Variants in COL7A1 observed in about 807,000 individuals in gnomAD.
COL7A1 encodes the protein collagen alpha-1(VII) chain.
COL7A1 carries 296 observed loss-of-function variants against 456.2 expected under a neutral mutation model. The observed-to-expected ratio is 0.65, with a 90% CI of 0.59 to 0.71. The LOEUF is 0.71. COL7A1 is among the 30% of genes least tolerant of loss of function. The probability of loss-of-function intolerance (pLI) is 0.00; values close to 1 mark genes in which losing one functional copy is unlikely to be tolerated. For missense variants in COL7A1, 3,441 were observed against 4,017.2 expected (o/e 0.86, Z 3.88); for synonymous variants, 1,464 against 1,525.9 (o/e 0.96, Z 0.95).
Position 48,592,618 on chromosome 3 carries a change from G to C in COL7A1, c.928C>G (p.Leu310Val), listed in dbSNP as rs1323172117. 1 of 1,614,032 alleles carries C rather than the reference G, an allele frequency of 6.2e-7. No individual in the cohort carries two copies. Among genetic ancestry groups the C allele is most frequent in the Non-Finnish European group, 8.5e-7 (1 of 1,180,030 alleles). ...GCCTCCCCGATGCTGTTGGCGTAGA[G>C]GGCAATCACAGTCACTTGGTACTCG... ...LTEYQVTVIA[L>V]YANSIGEAVS... is the part of the protein sequence containing the mutation. Residue 310 changes from leucine (L) to valine (V), a missense_variant, in exon 8 of 119, where the codon CTC becomes GTC. Leu to Val is a conservative substitution (Grantham distance 32). This residue lies in a region of COL7A1 where 913 missense variants were observed against 1,088.2 expected (regional missense o/e 0.84). Transcript: ENST00000681320. This position sits in a 1 kb window ranked among gnomAD's most constrained non-coding sequence, Gnocchi z 7.6.
In COL7A1 at chr3:48,583,201, G is replaced by GAGAGAGAGGGTGAGAGAAAGACAGAC; in HGVS notation, c.4438-31_4438-30insGTCTGTCTTTCTCTCACCCTCTCTCT. 6.2e-7 allele frequency: 1 copy of GAGAGAGAGGGTGAGAGAAAGACAGAC among 1,613,054 alleles called. No homozygotes were observed. Among genetic ancestry groups the GAGAGAGAGGGTGAGAGAAAGACAGAC allele is most frequent in the Non-Finnish European group, 8.5e-7 (1 of 1,179,658 alleles). On this transcript the variant is annotated intron_variant, in intron 42 of 118. Coordinates refer to ENST00000681320, the MANE Select transcript of COL7A1 (RefSeq NM_000094.4). The surrounding 1 kb of genome is among the most constrained non-coding windows in gnomAD (Gnocchi z 5.1). ...AGAGAGAGGGTGAGAGAAAGACAGA[G>GAGAGAGAGGGTGAGAGAAAGACAGAC]AGAGAGAGGGTTGGTGGCGGGGCTT...
chr3:48,570,308 C>T lies in COL7A1; in HGVS notation c.7407G>A (p.Gly2469=). The T allele has an allele frequency of 5.0e-6, 8 of 1,614,084 alleles. No individual in the cohort carries two copies. Among genetic ancestry groups the T allele is most frequent in the Non-Finnish European group, 6.8e-6 (8 of 1,179,986 alleles). Residue 2469 remains glycine, a synonymous_variant, in exon 98 of 119, where the codon GGG becomes GGA. Transcript: ENST00000681320. The surrounding 1 kb of genome is among the most constrained non-coding windows in gnomAD (Gnocchi z 5.5). ...CTGGCTCCCCACGCTCGCCTCGGGG[C>T]CCAGGCAGCCCTACTCCAGGGTCTC... ...DKGDPGVGLP[G]PRGERGEPGI... is the part of the protein sequence containing the mutation.
At position 48,593,566 on chromosome 3, in the gene COL7A1, G is replaced by T; in HGVS notation, c.397C>A (p.Pro133Thr). 1 of 1,614,220 alleles carries T rather than the reference G, an allele frequency of 6.2e-7. No homozygotes were observed. The change falls in exon 4 of 119, where the codon CCC becomes ACC. Residue 133 changes from proline (P) to threonine (T), a missense_variant. Transcript: ENST00000681320. The surrounding 1 kb of genome is among the most constrained non-coding windows in gnomAD (Gnocchi z 4.4). Reference protein sequence around the residue: ...ILHVADHVFLPQLARPGVPKV... With the variant: ...ILHVADHVFLTQLARPGVPKV... ...GGGACACCAGGTCGGGCCAGCTGGGGCAGGAAGACATGGTCAGCCACATGG... is the reference window on the plus strand; with the variant it reads ...GGGACACCAGGTCGGGCCAGCTGGGTCAGGAAGACATGGTCAGCCACATGG...
In COL7A1 at chr3:48,570,740, A is replaced by C. The variant is rs773509242; in HGVS notation, c.7273-30T>G. On this transcript the variant is annotated intron_variant, in intron 95 of 118. Transcript: ENST00000681320. This position sits in a 1 kb window ranked among gnomAD's most constrained non-coding sequence, Gnocchi z 5.5. ...CAGAAAAATGGGGCAAGAGAGGCAG[A>C]GAGTGACTTGGGAACCCTCCTACCC... 4.5e-6 allele frequency: 7 copies of C among 1,562,748 alleles called. No homozygotes were observed. In the African/African-American group the frequency reaches 9.5e-5, roughly 21 times the overall value.
Position 48,583,646 on chromosome 3 carries a change from G to A in COL7A1, c.4342-31C>T, listed in dbSNP as rs527807192. On this transcript the variant is annotated intron_variant, in intron 40 of 118. Coordinates refer to ENST00000681320, the MANE Select transcript of COL7A1 (RefSeq NM_000094.4). This position sits in a 1 kb window ranked among gnomAD's most constrained non-coding sequence, Gnocchi z 5.1. ...GGAGAAACACACGGGTGGGAAGACCGAAGGGAGGCCCTGCCCCCAGCACGC... is the reference window on the plus strand; with the variant it reads ...GGAGAAACACACGGGTGGGAAGACCAAAGGGAGGCCCTGCCCCCAGCACGC... 3.7e-5 allele frequency: 60 copies of A among 1,613,828 alleles called. No homozygotes were observed. The highest frequency in any genetic ancestry group is 2.4e-4 in the African/African-American group (18 of 75,016).
In COL7A1 at chr3:48,570,862, C is replaced by T. The variant is rs781689640; in HGVS notation, c.7271G>A (p.Arg2424Gln). ...EMGQPGPSGERGLAGPPGREG... is the reference protein window; with the variant it reads ...EMGQPGPSGEQGLAGPPGREG... ...TACATGCTGTTCCCAGCCCCTCACC[C>T]GCTCTCCACTAGGGCCTGGCTGACC... The change falls in exon 95 of 119, where the codon CGG (arginine) becomes CAG (glutamine). Residue 2424 changes from arginine to glutamine, a missense_variant and splice_region_variant. Coordinates refer to ENST00000681320, the MANE Select transcript of COL7A1 (RefSeq NM_000094.4). This position sits in a 1 kb window ranked among gnomAD's most constrained non-coding sequence, Gnocchi z 5.5. The T allele has an allele frequency of 2.9e-5, 47 of 1,609,932 alleles. No individual in the cohort carries two copies. Among genetic ancestry groups the T allele is most frequent in the Admixed American group, 5.0e-5 (3 of 59,470 alleles).
In COL7A1 at chr3:48,587,306, C is replaced by T. The variant is rs2045342635; in HGVS notation, c.3023G>A (p.Gly1008Glu). Reference sequence around the variant, plus strand: ...TGTCACCCGCTGGGAGCTTGAGATCCCTGGAAGTGTCTGCGGGGACCCAGG... The same window carrying T: ...TGTCACCCGCTGGGAGCTTGAGATCTCTGGAAGTGTCTGCGGGGACCCAGG... ...EVPGSPQTLP[G>E]ISSSQRVTGL... is the part of the protein sequence containing the mutation. The change falls in exon 24 of 119, where the codon GGG (glycine) becomes GAG (glutamate). Residue 1008 changes from glycine (G) to glutamate (E), a missense_variant. Physicochemically the swap from Gly to Glu is moderately conservative, Grantham distance 98. Transcript: ENST00000681320. The surrounding 1 kb of genome is among the most constrained non-coding windows in gnomAD (Gnocchi z 6.1). 5.6e-6 allele frequency: 9 copies of T among 1,604,104 alleles called. No individual in the cohort carries two copies. The highest frequency in any genetic ancestry group is 7.7e-6 in the Non-Finnish European group (9 of 1,175,256).
At position 48,568,033 on chromosome 3, in the gene COL7A1, G is replaced by A. The variant is rs528727235; in HGVS notation, c.7875+57C>T. 16 of 1,607,378 alleles carry A rather than the reference G, an allele frequency of 1.0e-5. No homozygotes were observed. The highest frequency in any genetic ancestry group is 1.7e-4 in the Middle Eastern group (1 of 6,056). On this transcript the variant is annotated intron_variant, in intron 106 of 118. Transcript: ENST00000681320. The surrounding 1 kb of genome is among the most constrained non-coding windows in gnomAD (Gnocchi z 5.2). ...CCTAATATCTGACCCCAGGTCCCTC[G>A]CCCTTCAACATTAGGCCTTCCTGAC...
At position 48,578,179 on chromosome 3, in the gene COL7A1, T is replaced by C; in HGVS notation, c.5532+142A>G. ...AACTCCATCTCAAAAAAAAAAAAAC[T>C]ATGTTTCTGGATGCATCTGTATGTC... On this transcript the variant is annotated intron_variant, in intron 65 of 118. Transcript: ENST00000681320. The surrounding 1 kb of genome is among the most constrained non-coding windows in gnomAD (Gnocchi z 4.7). 1.1e-6 allele frequency: 1 copy of C among 926,904 alleles called. No homozygotes were observed. The highest frequency in any genetic ancestry group is 2.7e-5 in the East Asian group (1 of 37,076). 57.4% of individuals were successfully genotyped at this position (926,904 alleles called of 1,614,324 possible). A position where few individuals can be genotyped will look rare whatever the true frequency, so the allele number is the denominator to read the frequency against.
At position 48,587,212 on chromosome 3, in the gene COL7A1, C is replaced by T. The variant is rs1434382295; in HGVS notation, c.3117G>A (p.Glu1039=). 6.2e-7 allele frequency: 1 copy of T among 1,613,622 alleles called. No individual in the cohort carries two copies. The highest frequency in any genetic ancestry group is 1.1e-5 in the South Asian group (1 of 90,972). Residue 1039 remains glutamate, a synonymous_variant, in exon 24 of 119, where the codon GAG becomes GAA. Transcript: ENST00000681320. The surrounding 1 kb of genome is among the most constrained non-coding windows in gnomAD (Gnocchi z 6.1). ...TPVLDGVRGP[E]ASVTQTPVCP... ...TACCTGGCGTCTGTGTGACAGATGC[C>T]TCAGGACCCCGCACACCATCCAGGA... is the stretch of plus-strand genomic sequence containing the variant.
chr3:48,568,133 C>T lies in COL7A1; in HGVS notation c.7832G>A (p.Gly2611Glu), dbSNP rs1250734596. 1 of 1,614,008 alleles carries T rather than the reference C, an allele frequency of 6.2e-7. No individual in the cohort carries two copies. The highest frequency in any genetic ancestry group is 1.3e-5 in the African/African-American group (1 of 74,920). Residue 2611 changes from glycine (G) to glutamate (E), a missense_variant, in exon 106 of 119, where the codon GGA becomes GAA. Transcript: ENST00000681320. The surrounding 1 kb of genome is among the most constrained non-coding windows in gnomAD (Gnocchi z 5.2). ...CATGAAGCCAACATCTCCTTTTTCT[C>T]CTCGGATACCAGGCACTCCATCCTT... ...PGKDGVPGIR[G>E]EKGDVGFMGP...
rs200316068 is a variant in COL7A1 at position 48,570,887 on chromosome 3, C to T, written c.7246G>A (p.Gly2416Ser). 1.2e-6 allele frequency: 2 copies of T among 1,613,162 alleles called. No individual in the cohort carries two copies. The highest frequency in any genetic ancestry group is 3.3e-5 in the Admixed American group (2 of 59,914). ...PGQTGPRGEM[G>S]QPGPSGERGL... ...CGCTCTCCACTAGGGCCTGGCTGAC[C>T]CATCTCTCCTCGAGGGCCTGTCTGA... The change falls in exon 95 of 119, where the codon GGT becomes AGT. Residue 2416 changes from glycine to serine, a missense_variant. Transcript: ENST00000681320. The surrounding 1 kb of genome is among the most constrained non-coding windows in gnomAD (Gnocchi z 5.5).
chr3:48,590,741 T>C lies in COL7A1; in HGVS notation c.1712A>G (p.Tyr571Cys). ...DLDDVQAGLS[Y>C]TVRVSARVGP... ...CACTCGAGCAGACACCCGCACAGTG[T>C]AGCTAAGCCCAGCCTGAACGTCATC... The change falls in exon 14 of 119, where the codon TAC becomes TGC. Residue 571 changes from tyrosine to cysteine, a missense_variant. Physicochemically the swap from Tyr to Cys is radical, Grantham distance 194. Transcript: ENST00000681320. The surrounding 1 kb of genome is among the most constrained non-coding windows in gnomAD (Gnocchi z 4.6). 1 of 1,613,948 alleles carries C rather than the reference T, an allele frequency of 6.2e-7. No homozygotes were observed. Among genetic ancestry groups the C allele is most frequent in the Non-Finnish European group, 8.5e-7 (1 of 1,180,014 alleles).
In COL7A1 at chr3:48,575,332, G is replaced by A; in HGVS notation, c.6180+7C>T. 1 of 1,230,868 alleles carries A rather than the reference G, an allele frequency of 8.1e-7. No homozygotes were observed. The highest frequency in any genetic ancestry group is 1.1e-6 in the Non-Finnish European group (1 of 902,956). 76.2% of individuals were successfully genotyped at this position (1,230,868 alleles called of 1,614,324 possible). Reference sequence around the variant, plus strand: ...CCCTCACTCTCCTGGCCAGCCCCCAGCCTCACCCTCTCTCCTGGCCTTCCT... The same window carrying A: ...CCCTCACTCTCCTGGCCAGCCCCCAACCTCACCCTCTCTCCTGGCCTTCCT... On this transcript the variant is annotated splice_region_variant and intron_variant, in intron 74 of 118. Coordinates refer to ENST00000681320, the MANE Select transcript of COL7A1 (RefSeq NM_000094.4). This position sits in a 1 kb window ranked among gnomAD's most constrained non-coding sequence, Gnocchi z 6.3.
Position 48,581,843 on chromosome 3 carries a change from C to T in COL7A1, c.4668+68G>A. 6.2e-7 allele frequency: 1 copy of T among 1,613,514 alleles called. No homozygotes were observed. On this transcript the variant is annotated intron_variant, in intron 48 of 118. Coordinates refer to ENST00000681320, the MANE Select transcript of COL7A1 (RefSeq NM_000094.4). This position sits in a 1 kb window ranked among gnomAD's most constrained non-coding sequence, Gnocchi z 5.8. ...GCAAGTCCTGTGACCCCCCAAGTCC[C>T]ATAGATAGGCCCTATGACCTAGACC...
rs1460604821 is a variant in COL7A1 at position 48,574,038 on chromosome 3, A to G, written c.6502-148T>C. On this transcript the variant is annotated intron_variant, in intron 80 of 118. Transcript: ENST00000681320. This position sits in a 1 kb window ranked among gnomAD's most constrained non-coding sequence, Gnocchi z 5.0. ...CCTACCCATGGACTGCCTCTCATAGATAGCACACACGGGCCTGCACACACA... is the reference window on the plus strand; with the variant it reads ...CCTACCCATGGACTGCCTCTCATAGGTAGCACACACGGGCCTGCACACACA... 1 of 1,159,904 alleles carries G rather than the reference A, an allele frequency of 8.6e-7. No homozygotes were observed. Among genetic ancestry groups the G allele is most frequent in the Non-Finnish European group, 1.3e-6 (1 of 797,546 alleles). The allele number at this position is 1,159,904 out of a possible 1,614,324, so 71.9% of individuals were successfully genotyped here.
rs1296896790 is a variant in COL7A1 at position 48,569,236 on chromosome 3, C to T, written c.7686+139G>A. ...TCCCTAGAGCCCCTCCTCTCGGCCA[C>T]TCCATAGTCAGCCACAGAACCCCTT... On this transcript the variant is annotated intron_variant, in intron 103 of 118. Transcript: ENST00000681320. The surrounding 1 kb of genome is among the most constrained non-coding windows in gnomAD (Gnocchi z 4.9). 5.6e-6 allele frequency: 6 copies of T among 1,069,566 alleles called. No homozygotes were observed. The African/African-American group carries it at 6.2e-5, about 11-fold the overall frequency. The allele number at this position is 1,069,566 out of a possible 1,614,324, so 66.3% of individuals were successfully genotyped here.
chr3:48,591,801 A>G lies in COL7A1; in HGVS notation c.1379T>C (p.Val460Ala), dbSNP rs1575489791. 1.2e-6 allele frequency: 2 copies of G among 1,613,910 alleles called. No individual in the cohort carries two copies. Among genetic ancestry groups the G allele is most frequent in the African/African-American group, 1.3e-5 (1 of 74,860 alleles). The change falls in exon 12 of 119, where the codon GTG (valine) becomes GCG (alanine). Residue 460 changes from valine (V) to alanine (A), a missense_variant. This residue lies in a region of COL7A1 where 913 missense variants were observed against 1,088.2 expected (regional missense o/e 0.84). Transcript: ENST00000681320. The surrounding 1 kb of genome is among the most constrained non-coding windows in gnomAD (Gnocchi z 7.0). The stretch of plus-strand genomic sequence containing the variant: ...GCGGGTCACATCAGAGGGCAGTACC[A>G]CCTTCTGCGGTGGCTCCAAGCCTGC... Reference protein sequence around the residue: ...RETGLEPPQKVVLPSDVTRYQ... With the variant: ...RETGLEPPQKAVLPSDVTRYQ...
At position 48,579,768 on chromosome 3, in the gene COL7A1, C is replaced by T. The variant is rs1575452516; in HGVS notation, c.5154+17G>A. ...GCACTGGGGTCTTTCTTACCCTCCA[C>T]CCACAGACCCTAATACCTTCTCTCT... On this transcript the variant is annotated intron_variant, in intron 58 of 118. Transcript: ENST00000681320. This position sits in a 1 kb window ranked among gnomAD's most constrained non-coding sequence, Gnocchi z 4.4. 1 of 1,614,064 alleles carries T rather than the reference C, an allele frequency of 6.2e-7. No individual in the cohort carries two copies. The highest frequency in any genetic ancestry group is 1.6e-4 in the Middle Eastern group (1 of 6,062).
Sources: allele counts gnomAD v4.1 joint callset, GRCh38; gene constraint gnomAD v4.1.1; regional missense constraint gnomAD v4.1.1; non-coding constraint Gnocchi (gnomAD v3.1); transcripts MANE v1.5; gene names NCBI Gene and HGNC (gene_info 2026-07-23, HGNC 2026-07-21).